The following COG7 variants were observed in gnomAD, a reference collection of about 807,000 sequenced individuals.
COG7 encodes conserved oligomeric Golgi complex subunit 7.
In COG7, 49 loss-of-function variants were observed where a neutral mutation model predicts 91.5. That is an observed-to-expected ratio of 0.54 (90% CI 0.43 to 0.68). The LOEUF (loss-of-function observed/expected upper bound fraction) is 0.68. COG7 is among the 30% of genes least tolerant of loss of function. COG7 has a pLI of 0.00. For missense variants in COG7, 895 were observed against 961.3 expected (o/e 0.93, Z 0.91); for synonymous variants, 365 against 388.7 (o/e 0.94, Z 0.72).
At chr16:23,401,067 A>G (rs928328835) in intron 13 of COG7, among the ~76,000 whole-genome samples, 1 of 152,192 alleles carries the variant, frequency 6.6e-6, no homozygotes, top group African/African-American at 2.4e-5. Context: ...ATTTATTTAA[A>G]GTGTCCTTCA....
intron 11 of COG7, among the ~76,000 whole-genome samples, chr16:23,409,842 C>T (rs898534534): frequency 6.6e-6 from 1 of 152,122 alleles, no homozygotes; most frequent in Non-Finnish European, 1.5e-5. Context: ...CCTTCAGCAG[C>T]ACGGAATTTG....
chr16:23,416,670 TTTAAC>T (rs1963659822), intron 9 of COG7: 2 of 428,094 alleles, frequency 4.7e-6, no homozygotes, highest in Non-Finnish European at 8.6e-6. Context: ...CTTTGTTAAA[TTTAAC>T]TTGTCTAAGG....
chr16:23,439,980 C>A (rs561559706), intron 4 of COG7, among the ~76,000 whole-genome samples: 7 of 151,710 alleles, frequency 4.6e-5, no homozygotes, highest in Admixed American at 1.3e-4. Flanking sequence ...AATTACATGT[C>A]CTTTCTTTAA....
In COG7 at chr16:23,400,957, G is replaced by A. The variant is rs1963364942; in HGVS notation, c.1803+2737C>T. Among the ~76,000 whole-genome samples, 6 of 143,090 alleles carry A rather than the reference G, an allele frequency of 4.2e-5. No homozygotes were observed. The South Asian group carries it at 1.5e-3, about 36-fold the overall frequency. The allele number at this position is 143,090 out of a possible 152,430, so 93.9% of individuals were successfully genotyped here. The stretch of plus-strand genomic sequence containing the variant: ...TGCACTCCAGCCTGGGCAACAGAGT[G>A]AGACTTTGTCTCAAAAAAAAAAGGG... On this transcript the variant is annotated intron_variant, in intron 13 of 16. Transcript: ENST00000307149.
chr16:23,392,304 T>C, intron 16 of COG7, 76 bp downstream of exon 16: 1 of 1,604,006 alleles, frequency 6.2e-7, no homozygotes, highest in Non-Finnish European at 8.5e-7. Context: ...ATGAGATTCC[T>C]GGAGGGCAAA....
chr16:23,432,819 A>G (rs1346921642), intron 6 of COG7, among the ~76,000 whole-genome samples: 3 of 152,146 alleles, frequency 2.0e-5, no homozygotes, highest in Non-Finnish European at 4.4e-5. Flanking sequence ...AGGGAGACTC[A>G]CTTCAGGTAG....
intron 14 of COG7, among the ~76,000 whole-genome samples, chr16:23,397,071 G>C (rs1776573776): frequency 6.6e-6 from 1 of 152,066 alleles, no homozygotes; most frequent in Non-Finnish European, 1.5e-5. Context: ...ACCATGCCTG[G>C]ATAATTTTTT....
In COG7 at chr16:23,403,717, G is replaced by C; in HGVS notation, c.1780C>G (p.Leu594Val). The C allele has an allele frequency of 6.2e-7, 1 of 1,614,152 alleles. No homozygotes were observed. The highest frequency in any genetic ancestry group is 1.1e-5 in the South Asian group (1 of 91,078). ...ACGTCCATCTTCGAAATAAGCAACA[G>C]CTGTTGTTTGATGCGCAGGAACACG... ...DSVFLRIKQQ[L>V]LLISKMDSWN... The change falls in exon 13 of 17, where the codon CTG becomes GTG. Residue 594 changes from leucine to valine, a missense_variant. Coordinates refer to ENST00000307149, the MANE Select transcript of COG7 (RefSeq NM_153603.4).
Position 23,413,417 on chromosome 16 carries a change from G to T in COG7, c.1409+31C>A, listed in dbSNP as rs564115833. On this transcript the variant is annotated intron_variant, in intron 10 of 16. Coordinates refer to ENST00000307149, the MANE Select transcript of COG7 (RefSeq NM_153603.4). ...TGCATGTTTATGCTGGCTACATTAG[G>T]AACAAGCTTGAATTACAACCCCCGG... 12 of 1,088,516 alleles carry T rather than the reference G, an allele frequency of 1.1e-5. No homozygotes were observed. The African/African-American group carries it at 1.2e-4, about 11-fold the overall frequency. 67.4% of individuals were successfully genotyped at this position (1,088,516 alleles called of 1,614,324 possible). A position where few individuals can be genotyped will look rare whatever the true frequency, so the allele number is the denominator to read the frequency against.
chr16:23,426,661 A>C (rs1242231974), intron 6 of COG7, among the ~76,000 whole-genome samples: 1 of 152,088 alleles, frequency 6.6e-6, no homozygotes. Flanking sequence ...TAGGAATAGA[A>C]GGAAACTTCC....
At chr16:23,440,801 G>C (rs1465587084) in intron 4 of COG7, among the ~76,000 whole-genome samples, 1 of 152,004 alleles carries the variant, frequency 6.6e-6, no homozygotes. Flanking sequence ...GAGTTTATTT[G>C]GGTGAAGTTT....
chr16:23,402,575 C>T (rs1219097791), intron 13 of COG7, among the ~76,000 whole-genome samples: 1 of 152,142 alleles, frequency 6.6e-6, no homozygotes, highest in African/African-American at 2.4e-5. Context: ...ATTACTATAT[C>T]CCCATCACAC....
At chr16:23,393,543 A>G (rs1963235297) in intron 14 of COG7, 196 bp from the exon 15 acceptor site, 2 of 592,702 alleles carry the variant, frequency 3.4e-6, no homozygotes, top group Admixed American at 2.9e-5. Flanking sequence ...GCTTGCATAT[A>G]GATTATAGAT....
chr16:23,429,851 C>A lies in COG7; in HGVS notation c.810+3694G>T, dbSNP rs374892046. On this transcript the variant is annotated intron_variant, in intron 6 of 16. Coordinates refer to ENST00000307149, the MANE Select transcript of COG7 (RefSeq NM_153603.4). ...AGGAACAAACTAGTGATACAAACAACACGAGCAAATCTCAAAAACACGCTG... is the reference window on the plus strand; with the variant it reads ...AGGAACAAACTAGTGATACAAACAAAACGAGCAAATCTCAAAAACACGCTG... Among the ~76,000 whole-genome samples the A allele has an allele frequency of 5.3e-5, 8 of 152,260 alleles. No individual in the cohort carries two copies. The South Asian group carries it at 1.7e-3, about 32-fold the overall frequency.
At chr16:23,429,315 T>C (rs1001874131) in intron 6 of COG7, among the ~76,000 whole-genome samples, 4 of 151,600 alleles carry the variant, frequency 2.6e-5, no homozygotes, top group African/African-American at 9.7e-5. Flanking sequence ...AACCTAAACA[T>C]ACACCTACGA....
intron 14 of COG7, among the ~76,000 whole-genome samples, chr16:23,396,821 C>A (rs913049277): frequency 1.2e-4 from 19 of 152,254 alleles, no homozygotes; most frequent in African/African-American, 4.3e-4. Context: ...CTTGATACTG[C>A]CCCAAATGAA....
intron 6 of COG7, among the ~76,000 whole-genome samples, chr16:23,426,832 A>G: frequency 6.7e-6 from 1 of 150,350 alleles, no homozygotes; most frequent in East Asian, 2.0e-4. Flanking sequence ...AAAAAAAAAA[A>G]AAAAAGAAAG....
intron 13 of COG7, among the ~76,000 whole-genome samples, chr16:23,399,037 G>A (rs1249806068): frequency 6.6e-6 from 1 of 152,110 alleles, no homozygotes; most frequent in Non-Finnish European, 1.5e-5. Context: ...GCCCTTTCTG[G>A]CTGAACTCCG....
At chr16:23,424,048 C>T (rs1963803630) in intron 7 of COG7, among the ~76,000 whole-genome samples, 1 of 152,194 alleles carries the variant, frequency 6.6e-6, no homozygotes, top group Non-Finnish European at 1.5e-5. Context: ...TGCCTGTAAT[C>T]CCAGCACTTT....
Sources: gnomAD v4.1 joint callset for allele counts (sites outside exome capture counted in the v4.1 genomes callset) on GRCh38, gnomAD v4.1.1 for gene constraint, MANE v1.5 for transcripts, NCBI Gene and HGNC (gene_info 2026-07-23, HGNC 2026-07-21) for gene names.